The following CSMD1 variants were observed in gnomAD, a reference collection of about 807,000 sequenced individuals.
The protein encoded by CSMD1 is CUB and sushi domain-containing protein 1.
Under a neutral mutation model 417.5 loss-of-function variants are expected in CSMD1, and 213 were observed. The ratio of observed to expected loss-of-function variants is 0.51; its 90% CI spans 0.46 to 0.57. The LOEUF (loss-of-function observed/expected upper bound fraction) is 0.57. CSMD1 is among the 20% of genes least tolerant of loss of function. The probability of loss-of-function intolerance (pLI) is 0.00; values close to 1 mark genes in which losing one functional copy is unlikely to be tolerated. For synonymous variants in CSMD1, 2,862 were observed against 1,736.8 expected, an observed-to-expected ratio of 1.65 and a Z score of -16.11; for missense variants, 6,923 against 4,529.7, an observed-to-expected ratio of 1.53 and a Z score of -15.17.
chr8:3,257,155 C>G (rs57686995), intron 26 of CSMD1, among the ~76,000 whole-genome samples: 3,978 of 152,218 alleles, frequency 0.026, 152 homozygotes, highest in African/African-American at 0.09. Flanking sequence ...AACCCCATCT[C>G]CGCTAAAAAC....
intron 2 of CSMD1, among the ~76,000 whole-genome samples, chr8:4,432,830 T>G (rs1348416221): frequency 1.3e-5 from 2 of 152,228 alleles, no homozygotes; most frequent in Non-Finnish European, 2.9e-5. Context: ...TTAGATTTCT[T>G]TAGCACTCTG....
At chr8:3,745,504 C>A (rs988065374) in intron 6 of CSMD1, among the ~76,000 whole-genome samples, 1 of 152,212 alleles carries the variant, frequency 6.6e-6, no homozygotes. Flanking sequence ...ACGTGTACAA[C>A]AGGAAACTCG....
intron 2 of CSMD1, among the ~76,000 whole-genome samples, chr8:4,516,216 G>C (rs948118688): frequency 6.6e-6 from 1 of 152,098 alleles, no homozygotes; most frequent in Non-Finnish European, 1.5e-5. Flanking sequence ...CACACAGAGG[G>C]AAGACCACGT....
chr8:3,414,145 G>GAAAA (rs200744652), intron 12 of CSMD1, among the ~76,000 whole-genome samples: 82 of 46,768 alleles, frequency 1.8e-3, no homozygotes, highest in African/African-American at 7.2e-3. Context: ...TTAAAGAAAA[G>GAAAA]AAAAAAAAAA....
intron 33 of CSMD1, among the ~76,000 whole-genome samples, chr8:3,199,120 G>T (rs534526783): frequency 2.2e-4 from 34 of 152,282 alleles, no homozygotes; most frequent in African/African-American, 8.2e-4. Context: ...TTACTTTGCA[G>T]AATCTTTGAG....
intron 1 of CSMD1, among the ~76,000 whole-genome samples, chr8:4,875,313 G>A (rs913138510): frequency 6.6e-6 from 1 of 152,120 alleles, no homozygotes; most frequent in South Asian, 2.1e-4. Flanking sequence ...AATATGATAT[G>A]ACCTTGTAAT....
chr8:4,543,355 C>T (rs1433267474), intron 2 of CSMD1, among the ~76,000 whole-genome samples: 2 of 152,138 alleles, frequency 1.3e-5, no homozygotes, highest in Non-Finnish European at 2.9e-5. Flanking sequence ...CCCCATAGTT[C>T]TGCCTTTTCC....
At chr8:4,468,796 G>C (rs189239564) in intron 2 of CSMD1, among the ~76,000 whole-genome samples, 11 of 152,210 alleles carry the variant, frequency 7.2e-5, no homozygotes, top group African/African-American at 2.4e-4. Context: ...TCATATAATG[G>C]ATAATCAATA....
intron 23 of CSMD1, among the ~76,000 whole-genome samples, chr8:3,337,253 T>C (rs117854732): frequency 6.6e-6 from 1 of 152,214 alleles, no homozygotes; most frequent in Admixed American, 6.5e-5. Context: ...AGAAAATATT[T>C]TGATAAACAT....
intron 3 of CSMD1, among the ~76,000 whole-genome samples, chr8:4,284,910 A>T (rs1796979739): frequency 6.6e-6 from 1 of 152,308 alleles, no homozygotes. Context: ...TCCTGAATTC[A>T]GTTTCAGGAT....
In CSMD1 at chr8:3,136,127, T is replaced by A. The variant is rs751159662; in HGVS notation, c.6241+6338A>T. Among the ~76,000 whole-genome samples the A allele has an allele frequency of 2.6e-5, 4 of 152,196 alleles. No individual in the cohort carries two copies. In the East Asian group the frequency reaches 7.7e-4, roughly 29 times the overall value. Reference sequence around the variant, plus strand: ...CTCATGCATTACATCTAGCCACTAATTGATGGCTCATCTATGGAGTCCGGG... The same window carrying A: ...CTCATGCATTACATCTAGCCACTAAATGATGGCTCATCTATGGAGTCCGGG... On this transcript the variant is annotated intron_variant, in intron 41 of 69. Coordinates refer to ENST00000635120, the MANE Select transcript of CSMD1 (RefSeq NM_033225.6).
At chr8:4,671,586 CT>C (rs754267184) in intron 1 of CSMD1, among the ~76,000 whole-genome samples, 58 of 152,312 alleles carry the variant, frequency 3.8e-4, no homozygotes, top group Admixed American at 3.3e-4. Flanking sequence ...TTTGAATAGT[CT>C]CAAACAACGT....
In CSMD1 at chr8:4,344,640, T is replaced by C. The variant is rs565450218; in HGVS notation, c.415+75313A>G. On this transcript the variant is annotated intron_variant, in intron 3 of 69. Coordinates refer to ENST00000635120, the MANE Select transcript of CSMD1 (RefSeq NM_033225.6). ...ACCGCTATGCTCAAAGGAAGGTTTG[T>C]TTAAAAGCACTCAAGAATTGAATCA... 3.3e-4 allele frequency among the ~76,000 whole-genome samples: 50 copies of C among 151,892 alleles called. No individual in the cohort carries two copies. The South Asian group carries it at 1.0e-2, about 30-fold the overall frequency.
rs1814179545 is a variant in CSMD1, at chr8:3,984,722, T to C, written c.818+13181A>G. Among the ~76,000 whole-genome samples, 3 of 59,452 alleles carry C rather than the reference T, an allele frequency of 5.0e-5. No individual in the cohort carries two copies. The South Asian group carries it at 2.1e-3, about 41-fold the overall frequency. 39.0% of individuals were successfully genotyped at this position (59,452 alleles called of 152,430 possible). On this transcript the variant is annotated intron_variant, in intron 5 of 69. Transcript: ENST00000635120. Reference sequence around the variant, plus strand: ...TATATATCATATATATATATATATATATATATATATATATATATATATATA... The same window carrying C: ...TATATATCATATATATATATATATACATATATATATATATATATATATATA...
chr8:3,302,319 A>G (rs1042490910), intron 25 of CSMD1, among the ~76,000 whole-genome samples: 7 of 152,108 alleles, frequency 4.6e-5, no homozygotes, highest in African/African-American at 1.4e-4. Flanking sequence ...TTCTTCTGGA[A>G]TATCTCCATC....
chr8:3,815,593 A>G (rs1356220308), intron 5 of CSMD1, among the ~76,000 whole-genome samples: 1 of 151,480 alleles, frequency 6.6e-6, no homozygotes, highest in African/African-American at 2.4e-5. Context: ...AAAAATTAAT[A>G]TGACTTAAAA....
chr8:4,457,085 A>G (rs1312932607), intron 2 of CSMD1, among the ~76,000 whole-genome samples: 2 of 152,124 alleles, frequency 1.3e-5, no homozygotes, highest in Non-Finnish European at 2.9e-5. Flanking sequence ...TCTGGCACAG[A>G]GAAAAATAAT....
intron 10 of CSMD1, among the ~76,000 whole-genome samples, chr8:3,565,928 C>T (rs188349224): frequency 3.8e-4 from 58 of 152,250 alleles, no homozygotes; most frequent in Admixed American, 9.2e-4. Flanking sequence ...TTGTGCCATC[C>T]GTGATGCGGA....
intron 49 of CSMD1, among the ~76,000 whole-genome samples, chr8:3,058,270 GTCT>G (rs1203196178): frequency 6.6e-6 from 1 of 152,112 alleles, no homozygotes; most frequent in African/African-American, 2.4e-5. Flanking sequence ...CGTGTGCATT[GTCT>G]TCTTAAAATT....
Sources: allele counts gnomAD v4.1 joint callset (sites outside exome capture counted in the v4.1 genomes callset), GRCh38; gene constraint gnomAD v4.1.1; transcripts MANE v1.5; gene names NCBI Gene and HGNC (gene_info 2026-07-23, HGNC 2026-07-21).